The following PEX14 variants were observed in gnomAD, a reference collection of about 807,000 sequenced individuals.
PEX14 encodes the protein peroxisomal membrane protein PEX14.
PEX14 carries 15 observed loss-of-function variants against 49.5 expected under a neutral mutation model. The observed-to-expected ratio is 0.30, with a 90% CI of 0.20 to 0.47. The LOEUF (loss-of-function observed/expected upper bound fraction) is 0.47. Ranked by LOEUF, PEX14 falls within the 20% of genes least tolerant of loss-of-function variation. The pLI is 1.00. For synonymous variants in PEX14, 210 were observed against 212.7 expected (o/e 0.99, Z 0.11); for missense variants, 398 against 494.8 (o/e 0.80, Z 1.86).
chr1:10,482,013 C>T (rs971907851), intron 1 of PEX14, among the ~76,000 whole-genome samples: 1 of 150,982 alleles, frequency 6.6e-6, no homozygotes, highest in Non-Finnish European at 1.5e-5. Flanking sequence ...TTTGTAGAGA[C>T]GGGGTTTTGC....
intron 2 of PEX14, among the ~76,000 whole-genome samples, chr1:10,534,413 CT>C (rs1351046004): frequency 2.0e-5 from 3 of 152,066 alleles, no homozygotes; most frequent in Non-Finnish European, 4.4e-5. Flanking sequence ...GTTATAGCTC[CT>C]TGTGTACTGT....
At position 10,629,180 on chromosome 1, in the gene PEX14, G is replaced by C. The variant is rs1264062119; in HGVS notation, c.678-351G>C. ...AACCTGTCTCTCTCCTGGCCACTGG[G>C]TTGGAGGCAGGGATGGTGCTGAGGA... is the stretch of plus-strand genomic sequence containing the variant. On this transcript the variant is annotated intron_variant, in intron 8 of 8. Coordinates refer to ENST00000356607, the MANE Select transcript of PEX14 (RefSeq NM_004565.3). This position sits in a 1 kb window ranked among gnomAD's most constrained non-coding sequence, Gnocchi z 8.5. Among the ~76,000 whole-genome samples the C allele has an allele frequency of 6.6e-6, 1 of 152,222 alleles. No homozygotes were observed. The highest frequency in any genetic ancestry group is 1.5e-5 in the Non-Finnish European group (1 of 68,044).
intron 3 of PEX14, among the ~76,000 whole-genome samples, chr1:10,572,828 G>T (rs34697250): frequency 0.081 from 12,256 of 152,140 alleles, 672 homozygotes; most frequent in Non-Finnish European, 0.12. Flanking sequence ...GAGCTACCGC[G>T]CCTGGCCAGA....
intron 2 of PEX14, among the ~76,000 whole-genome samples, chr1:10,506,561 G>C (rs1427265707): frequency 6.6e-6 from 1 of 152,268 alleles, no homozygotes; most frequent in African/African-American, 2.4e-5. Flanking sequence ...ACAGGCGTGA[G>C]CCACCACGCC....
At chr1:10,525,320 TAAA>T (rs199862806) in intron 2 of PEX14, among the ~76,000 whole-genome samples, 1 of 145,604 alleles carries the variant, frequency 6.9e-6, no homozygotes. Context: ...GAAAGATGTG[TAAA>T]AAAAAAAAAA....
chr1:10,486,334 T>G (rs575975961), intron 1 of PEX14, among the ~76,000 whole-genome samples: 5 of 151,972 alleles, frequency 3.3e-5, no homozygotes, highest in Middle Eastern at 3.4e-3. Flanking sequence ...GTTGAAGAAA[T>G]TCAACCTTCA....
chr1:10,481,384 CCCA>C (rs1641281096), intron 1 of PEX14, among the ~76,000 whole-genome samples: 1 of 152,080 alleles, frequency 6.6e-6, no homozygotes, highest in African/African-American at 2.4e-5. Context: ...AAGTGATCCA[CCCA>C]CCTCGGCCTC....
At chr1:10,607,309 T>C (rs745377903) in intron 4 of PEX14, among the ~76,000 whole-genome samples, 1 of 152,248 alleles carries the variant, frequency 6.6e-6, no homozygotes, top group Non-Finnish European at 1.5e-5. Context: ...TGATGGACTT[T>C]GGGTTGTTTC....
chr1:10,625,348 C>T (rs1312816954), intron 7 of PEX14, among the ~76,000 whole-genome samples: 2 of 152,222 alleles, frequency 1.3e-5, no homozygotes, highest in Non-Finnish European at 1.5e-5. Context: ...GGACACTGCT[C>T]CCTGTCTGCC....
chr1:10,489,227 CG>C (rs1641427794), intron 1 of PEX14, among the ~76,000 whole-genome samples: 1 of 151,936 alleles, frequency 6.6e-6, no homozygotes, highest in Admixed American at 6.6e-5. Context: ...GTGATCCGCC[CG>C]CCTCAGCCTC....
chr1:10,555,718 T>C (rs11121584), intron 3 of PEX14, among the ~76,000 whole-genome samples: 110,502 of 151,788 alleles, frequency 0.73, 41,349 homozygotes, highest in Non-Finnish European at 0.82. Flanking sequence ...ACCAAGAATA[T>C]CCTGGAGGTA....
chr1:10,478,540 T>G (rs1557801685), intron 1 of PEX14, among the ~76,000 whole-genome samples: 1 of 152,142 alleles, frequency 6.6e-6, no homozygotes, highest in Non-Finnish European at 1.5e-5. Context: ...GGAATTTCAT[T>G]TATTGCTTCC....
chr1:10,475,542 G>T (rs142800290), intron 1 of PEX14, among the ~76,000 whole-genome samples: 8 of 152,188 alleles, frequency 5.3e-5, no homozygotes, highest in Admixed American at 3.3e-4. Context: ...GATAGGAAAG[G>T]GACGCACTGT....
chr1:10,560,011 C>T (rs995210924), intron 3 of PEX14, among the ~76,000 whole-genome samples: 5 of 152,050 alleles, frequency 3.3e-5, no homozygotes, highest in African/African-American at 1.2e-4. Flanking sequence ...AGGATCAAGT[C>T]CTGTTGTCTG....
intron 1 of PEX14, among the ~76,000 whole-genome samples, chr1:10,488,024 A>G (rs943847242): frequency 6.7e-6 from 1 of 148,950 alleles, no homozygotes; most frequent in African/African-American, 2.5e-5. Context: ...CAAGTTATCT[A>G]CCTGCCTCAG....
rs990493462 is a variant in PEX14, at chr1:10,597,792, C to G, written c.170-1446C>G. On this transcript the variant is annotated intron_variant, in intron 3 of 8. Transcript: ENST00000356607. The surrounding 1 kb of genome is among the most constrained non-coding windows in gnomAD (Gnocchi z 5.7). ...TTTTAAATGGGGATAGTCCTCAACTCCTCAGCACAGAGAAGGGAAAAAAGA... is the reference window on the plus strand; with the variant it reads ...TTTTAAATGGGGATAGTCCTCAACTGCTCAGCACAGAGAAGGGAAAAAAGA... Among the ~76,000 whole-genome samples the G allele has an allele frequency of 6.6e-6, 1 of 152,178 alleles. No individual in the cohort carries two copies. Among genetic ancestry groups the G allele is most frequent in the African/African-American group, 2.4e-5 (1 of 41,430 alleles).
intron 2 of PEX14, among the ~76,000 whole-genome samples, chr1:10,510,307 C>T (rs1045847633): frequency 6.6e-6 from 1 of 152,216 alleles, no homozygotes. Flanking sequence ...TTGAGGTTCC[C>T]TGGTGCCTAG....
Position 10,514,886 on chromosome 1 carries a change from C to T in PEX14, c.84+19565C>T, listed in dbSNP as rs753646398. Among the ~76,000 whole-genome samples, 1 of 152,208 alleles carries T rather than the reference C, an allele frequency of 6.6e-6. No individual in the cohort carries two copies. Among genetic ancestry groups the T allele is most frequent in the Non-Finnish European group, 1.5e-5 (1 of 68,040 alleles). ...GATGAGAACTTCTGTGTGCAGAAAA[C>T]TGTCCCCCTTAAAAGCCTGGGTAAC... is the stretch of plus-strand genomic sequence containing the variant. On this transcript the variant is annotated intron_variant, in intron 2 of 8. Coordinates refer to ENST00000356607, the MANE Select transcript of PEX14 (RefSeq NM_004565.3). This position sits in a 1 kb window ranked among gnomAD's most constrained non-coding sequence, Gnocchi z 4.4.
At chr1:10,590,223 G>A (rs1345456654) in intron 3 of PEX14, among the ~76,000 whole-genome samples, 2 of 152,136 alleles carry the variant, frequency 1.3e-5, no homozygotes, top group Non-Finnish European at 2.9e-5. Flanking sequence ...CCGTGAGCCT[G>A]CAAACAAAAC....
Sources: gnomAD v4.1 joint callset for allele counts (sites outside exome capture counted in the v4.1 genomes callset) on GRCh38, gnomAD v4.1.1 for gene constraint, Gnocchi (gnomAD v3.1) non-coding constraint, MANE v1.5 for transcripts, NCBI Gene and HGNC (gene_info 2026-07-23, HGNC 2026-07-21) for gene names.